ADGRF5: variants seen among roughly 807,000 people sequenced by gnomAD.
ADGRF5 encodes G-protein coupled receptor 116.
ADGRF5 carries 75 observed loss-of-function variants against 132.3 expected under a neutral mutation model. The ratio of observed to expected loss-of-function variants is 0.57; its 90% CI spans 0.47 to 0.69. The LOEUF is 0.69. Ranked by LOEUF, ADGRF5 falls within the 30% of genes least tolerant of loss-of-function variation. ADGRF5 has a pLI of 0.00. For missense variants in ADGRF5, 1,516 were observed against 1,630.6 expected, an observed-to-expected ratio of 0.93 and a Z score of 1.21; for synonymous variants, 629 against 597.6, an observed-to-expected ratio of 1.05 and a Z score of -0.77.
At chr6:46,876,731 G>A (rs541854784) in intron 10 of ADGRF5, among the ~76,000 whole-genome samples, 1 of 152,194 alleles carries the variant, frequency 6.6e-6, no homozygotes, top group East Asian at 1.9e-4. Flanking sequence ...AGCCTCCCAA[G>A]TAGCTGGAAC....
At position 46,859,466 on chromosome 6, in the gene ADGRF5, C is replaced by G. The variant is rs533986341; in HGVS notation, c.2437G>C (p.Val813Leu). ...TGATTGGTCCATTGCTGTTGTAAAA[C>G]CTTCCAGGTGTTCAAGACGGGCTTG... ...LGKPVLNTWK[V>L]LQQQWTNQSS... The change falls in exon 17 of 21, where the codon GTT (valine) becomes CTT (leucine). Residue 813 changes from valine to leucine, a missense_variant. Val to Leu is a conservative substitution (Grantham distance 32). Transcript: ENST00000283296. 6.2e-7 allele frequency: 1 copy of G among 1,613,724 alleles called. No individual in the cohort carries two copies. The highest frequency in any genetic ancestry group is 1.1e-5 in the South Asian group (1 of 91,044).
At chr6:46,941,411 G>GAAAATAAAAGAAAAGAA (rs1477197961) in intron 1 of ADGRF5, among the ~76,000 whole-genome samples, 8 of 33,260 alleles carry the variant, frequency 2.4e-4, no homozygotes, top group African/African-American at 1.1e-3. Context: ...GAAAAGAAAA[G>GAAAATAAAAGAAAAGAA]AAAAGAAAAG....
chr6:46,872,253 CT>C (rs1005143197), intron 10 of ADGRF5, among the ~76,000 whole-genome samples: 2 of 152,108 alleles, frequency 1.3e-5, no homozygotes, highest in Non-Finnish European at 2.9e-5. Flanking sequence ...ACTTAACCAC[CT>C]TGTGCTTCAG....
chr6:46,926,142 A>T (rs1777232394), upstream of ADGRF5, among the ~76,000 whole-genome samples: 1 of 152,116 alleles, frequency 6.6e-6, no homozygotes, highest in Non-Finnish European at 1.5e-5. Context: ...CCACTAATGG[A>T]ATTGGTCATA....
intron 10 of ADGRF5, among the ~76,000 whole-genome samples, chr6:46,877,905 T>A (rs925621498): frequency 6.6e-6 from 1 of 152,190 alleles, no homozygotes; most frequent in Non-Finnish European, 1.5e-5. Flanking sequence ...GCTTTTCTTG[T>A]CTTTTTTTAG....
At chr6:46,880,658 G>T (rs532608470) in intron 8 of ADGRF5, among the ~76,000 whole-genome samples, 1 of 152,160 alleles carries the variant, frequency 6.6e-6, no homozygotes, top group Non-Finnish European at 1.5e-5. Flanking sequence ...TAGTCTGGCC[G>T]AGCCTTAGTT....
rs1299046663 is a variant in ADGRF5 at position 46,853,485 on chromosome 6, C to CAACAAACA, written c.*506_*507insTGTTTGTT. On this transcript the variant is annotated 3_prime_UTR_variant, in exon 21 of 21. Coordinates refer to ENST00000283296, the MANE Select transcript of ADGRF5 (RefSeq NM_001098518.2). ...AACATGGAAATCTTACAATATGGCC[C>CAACAAACA]TTAATGTTGTTTGTCTTTATTTGTT... is the stretch of plus-strand genomic sequence containing the variant. The CAACAAACA allele has an allele frequency of 6.5e-6, 1 of 154,326 alleles. No individual in the cohort carries two copies. The highest frequency in any genetic ancestry group is 1.4e-5 in the Non-Finnish European group (1 of 69,752). 9.6% of individuals were successfully genotyped at this position (154,326 alleles called of 1,614,324 possible).
chr6:46,872,904 ATC>A (rs1167938593), intron 10 of ADGRF5, among the ~76,000 whole-genome samples: 1 of 152,196 alleles, frequency 6.6e-6, no homozygotes, highest in East Asian at 1.9e-4. Context: ...GCCGTGGCTG[ATC>A]AATGATATTT....
At chr6:46,933,714 C>T (rs1347954657) in intron 1 of ADGRF5, among the ~76,000 whole-genome samples, 1 of 152,204 alleles carries the variant, frequency 6.6e-6, no homozygotes, top group Non-Finnish European at 1.5e-5. Flanking sequence ...GGAAATTGCT[C>T]AGCCCTCCAC....
chr6:46,934,608 G>T (rs750696332), intron 1 of ADGRF5, among the ~76,000 whole-genome samples: 7 of 152,088 alleles, frequency 4.6e-5, no homozygotes, highest in Non-Finnish European at 1.0e-4. Context: ...AGCTACATAT[G>T]TTCAGTTTCT....
chr6:46,897,810 C>T (rs1240607595), intron 3 of ADGRF5, among the ~76,000 whole-genome samples: 1 of 152,178 alleles, frequency 6.6e-6, no homozygotes, highest in Non-Finnish European at 1.5e-5. Context: ...TCCCAAAGTG[C>T]TGGGATTACA....
upstream of ADGRF5, among the ~76,000 whole-genome samples, chr6:46,925,049 A>G (rs746435970): frequency 6.6e-6 from 1 of 152,230 alleles, no homozygotes; most frequent in South Asian, 2.1e-4. Flanking sequence ...TACAAGTTAT[A>G]TAAAGTCCAC....
intron 7 of ADGRF5, 22 bp from the exon 8 acceptor site, chr6:46,881,619 C>T (rs1402518202): frequency 8.1e-6 from 13 of 1,608,690 alleles, no homozygotes; most frequent in Non-Finnish European, 1.0e-5. Context: ...CCACTCAGTT[C>T]AGTAAAACAA....
chr6:46,919,555 C>T (rs1266982229), intron 1 of ADGRF5, among the ~76,000 whole-genome samples: 6 of 152,206 alleles, frequency 3.9e-5, no homozygotes, highest in Admixed American at 3.9e-4. Flanking sequence ...CCCCCAAGTA[C>T]CCCATAGCGC....
chr6:46,877,301 C>CCT (rs1255264911), intron 10 of ADGRF5, among the ~76,000 whole-genome samples: 1,222 of 94,930 alleles, frequency 0.013, 38 homozygotes, highest in African/African-American at 0.029. Flanking sequence ...CTCTCTCTCT[C>CCT]TCTCTTTCCT....
chr6:46,888,108 A>C (rs1773241085), intron 4 of ADGRF5: 1 of 451,816 alleles, frequency 2.2e-6, no homozygotes, highest in Non-Finnish European at 4.0e-6. Context: ...CATACAAACC[A>C]CCAAGCAAAC....
At chr6:46,883,533 A>T in intron 6 of ADGRF5, 26 bp downstream of exon 6, 1 of 1,159,944 alleles carries the variant, frequency 8.6e-7, no homozygotes, top group Non-Finnish European at 1.3e-6. Flanking sequence ...TTTGTTAGTT[A>T]AGAGGTTCTT....
At chr6:46,917,630 T>C (rs1419250522) in intron 1 of ADGRF5, among the ~76,000 whole-genome samples, 1 of 152,152 alleles carries the variant, frequency 6.6e-6, no homozygotes, top group African/African-American at 2.4e-5. Flanking sequence ...TCGATAAATA[T>C]TGTTTGTTAT....
At chr6:46,863,550 T>A (rs1770038975) in intron 14 of ADGRF5, among the ~76,000 whole-genome samples, 1 of 152,226 alleles carries the variant, frequency 6.6e-6, no homozygotes, top group South Asian at 2.1e-4. Context: ...TAGGTACCCA[T>A]GACCTGAATA....
Sources: gnomAD v4.1 joint callset for allele counts (sites outside exome capture counted in the v4.1 genomes callset) on GRCh38, gnomAD v4.1.1 for gene constraint, MANE v1.5 for transcripts, NCBI Gene and HGNC (gene_info 2026-07-23, HGNC 2026-07-21) for gene names.